Variants in SAMSN1 observed in about 807,000 individuals in gnomAD.
The protein encoded by SAMSN1 is SAM domain-containing protein SAMSN-1.
A neutral mutation model predicts 42.0 loss-of-function variants in SAMSN1; 31 were observed. The observed-to-expected ratio is 0.74, with a 90% CI of 0.55 to 1.00. SAMSN1 has a LOEUF of 1.00. SAMSN1 is among the 50% of genes least tolerant of loss of function. SAMSN1 has a pLI of 0.00. For missense variants in SAMSN1, 464 were observed against 439.4 expected (o/e 1.06, Z -0.50); for synonymous variants, 178 against 151.9 (o/e 1.17, Z -1.26).
At chr21:14,586,275 AAAAGAAAAAG>A (rs1423156442), upstream of SAMSN1, among the ~76,000 whole-genome samples, 6 of 149,470 alleles carry the variant, frequency 4.0e-5, no homozygotes, top group Non-Finnish European at 5.9e-5. Flanking sequence ...AAAAAAAAAA[AAAAGAAAAAG>A]AAAAAAAAAG....
chr21:14,627,803 A>G (rs970782839), intron 2 of SAMSN1, among the ~76,000 whole-genome samples: 2 of 152,236 alleles, frequency 1.3e-5, no homozygotes, highest in African/African-American at 4.8e-5. Context: ...TTCTCAGGGC[A>G]TAATTAATAG....
At chr21:14,620,427 A>G (rs976695941) in intron 2 of SAMSN1, among the ~76,000 whole-genome samples, 2 of 152,164 alleles carry the variant, frequency 1.3e-5, no homozygotes, top group Admixed American at 1.3e-4. Context: ...CCCTTCTGTC[A>G]TGACTGTAAG....
Position 14,503,173 on chromosome 21 carries a change from G to T in SAMSN1, c.562-2438C>A, listed in dbSNP as rs144793096. On this transcript the variant is annotated intron_variant, in intron 5 of 7. Transcript: ENST00000400566. The stretch of plus-strand genomic sequence containing the variant: ...ATCCATTTAGTGTACTGAATTATTT[G>T]ATTTTGAGTTAACTGAAAGGGAGAT... 2.2e-3 allele frequency among the ~76,000 whole-genome samples: 334 copies of T among 152,142 alleles called. 1 individual carries two copies. The highest frequency in any genetic ancestry group is 7.5e-3 in the African/African-American group (313 of 41,504).
At position 14,653,785 on chromosome 21, in the gene SAMSN1, T is replaced by C. The variant is rs1983871652; in HGVS notation, c.24+4963A>G. On this transcript the variant is annotated intron_variant, in intron 1 of 15. Transcript: ENST00000647101. ...TCCATAAATATATATACCTACTATG[T>C]ACCTACAAAAATTTTAAAAATTTGA... Among the ~76,000 whole-genome samples the C allele has an allele frequency of 4.6e-5, 7 of 151,918 alleles. 1 individual carries two copies. Among genetic ancestry groups the C allele is most frequent in the Admixed American group, 4.6e-4 (7 of 15,192 alleles).
intron 2 of SAMSN1, among the ~76,000 whole-genome samples, chr21:14,569,070 C>T (rs927934894): frequency 6.6e-6 from 1 of 152,026 alleles, no homozygotes; most frequent in African/African-American, 2.4e-5. Flanking sequence ...GAAAGAGGAT[C>T]ACTTGAATCC....
At chr21:14,553,530 C>T (rs1365743882) in intron 2 of SAMSN1, among the ~76,000 whole-genome samples, 4 of 152,138 alleles carry the variant, frequency 2.6e-5, no homozygotes, top group Admixed American at 1.3e-4. Context: ...TCTCCTTAAT[C>T]ACTTCCAATT....
intron 3 of SAMSN1, among the ~76,000 whole-genome samples, chr21:14,513,886 G>A (rs1276830181): frequency 1.3e-5 from 2 of 152,196 alleles, no homozygotes; most frequent in Admixed American, 1.3e-4. Flanking sequence ...ATTAGTGTGT[G>A]AGTTCAGGGA....
chr21:14,638,015 A>C (rs1374367144), intron 2 of SAMSN1, among the ~76,000 whole-genome samples: 2 of 152,192 alleles, frequency 1.3e-5, no homozygotes, highest in Non-Finnish European at 2.9e-5. Flanking sequence ...AGTGGTGGAC[A>C]TAGTAGACTT....
chr21:14,578,957 A>T (rs1358486064), intron 2 of SAMSN1, among the ~76,000 whole-genome samples: 1 of 152,088 alleles, frequency 6.6e-6, no homozygotes, highest in Non-Finnish European at 1.5e-5. Context: ...AAACCCCAAC[A>T]CTGCCTCCTT....
chr21:14,620,959 A>G (rs1039741855), intron 2 of SAMSN1, among the ~76,000 whole-genome samples: 13 of 152,334 alleles, frequency 8.5e-5, no homozygotes, highest in African/African-American at 2.9e-4. Context: ...AAGATTGTTC[A>G]CTTGCATAAC....
At chr21:14,562,595 A>G (rs577960012) in intron 2 of SAMSN1, among the ~76,000 whole-genome samples, 43 of 151,254 alleles carry the variant, frequency 2.8e-4, no homozygotes, top group African/African-American at 9.7e-4. Flanking sequence ...TGATTTTGAT[A>G]TTGATATTTT....
At chr21:14,574,034 C>A (rs1318874430) in intron 2 of SAMSN1, among the ~76,000 whole-genome samples, 5 of 152,186 alleles carry the variant, frequency 3.3e-5, no homozygotes, top group Non-Finnish European at 2.9e-5. Context: ...ATTATATGTT[C>A]TAATGAGCTC....
chr21:14,623,466 G>C (rs1485649826), intron 2 of SAMSN1, among the ~76,000 whole-genome samples: 4 of 152,158 alleles, frequency 2.6e-5, no homozygotes, highest in South Asian at 2.1e-4. Flanking sequence ...AAAAGGCAGG[G>C]GTTGCAATCC....
At chr21:14,510,544 A>G (rs1280751423) in intron 4 of SAMSN1, 83 bp from the exon 5 acceptor site, 8 of 1,477,950 alleles carry the variant, frequency 5.4e-6, no homozygotes, top group African/African-American at 2.8e-5. Flanking sequence ...AGTATTGATA[A>G]TGCTGGAACA....
At chr21:14,652,765 A>G (rs1983856891) in intron 1 of SAMSN1, among the ~76,000 whole-genome samples, 1 of 152,102 alleles carries the variant, frequency 6.6e-6, no homozygotes, top group Non-Finnish European at 1.5e-5. Context: ...GAATGGGAGA[A>G]AACATTTGCA....
At chr21:14,585,489 T>C (rs891073468), upstream of SAMSN1, 8 of 152,330 alleles carry the variant, frequency 5.3e-5, no homozygotes, top group African/African-American at 7.2e-5. Flanking sequence ...TTTGTATAAA[T>C]GATTTTCCCC....
chr21:14,543,091 A>G (rs1245192683), intron 1 of SAMSN1, among the ~76,000 whole-genome samples: 1 of 152,228 alleles, frequency 6.6e-6, no homozygotes, highest in Non-Finnish European at 1.5e-5. Flanking sequence ...TTATCTGTAT[A>G]CAGTAGAGAG....
chr21:14,638,787 A>C (rs973759932), intron 2 of SAMSN1, among the ~76,000 whole-genome samples: 5 of 152,216 alleles, frequency 3.3e-5, no homozygotes, highest in Admixed American at 1.3e-4. Flanking sequence ...GTGTAAGGAA[A>C]TAGAGACTGC....
rs1229438835 is a variant in SAMSN1, at chr21:14,516,931, T to A, written c.240A>T (p.Lys80Asn). ...MRAISWTMKK[K>N]VGKKYIKALS... The stretch of plus-strand genomic sequence containing the variant: ...GGGCTTTGATGTACTTTTTACCCAC[T>A]TTTTTCTTCATTGTCCATGAAATAG... The change falls in exon 3 of 8, where the codon AAA becomes AAT. Residue 80 changes from lysine to asparagine, a missense_variant. Coordinates refer to ENST00000400566, the MANE Select transcript of SAMSN1 (RefSeq NM_022136.5). 1.2e-6 allele frequency: 2 copies of A among 1,612,582 alleles called. No individual in the cohort carries two copies. The highest frequency in any genetic ancestry group is 2.2e-5 in the East Asian group (1 of 44,840).
Sources: allele counts gnomAD v4.1 joint callset (sites outside exome capture counted in the v4.1 genomes callset), GRCh38; gene constraint gnomAD v4.1.1; transcripts MANE v1.5; gene names NCBI Gene and HGNC (gene_info 2026-07-23, HGNC 2026-07-21).